HDAC11: variants seen among roughly 807,000 people sequenced by gnomAD.
HDAC11 encodes histone deacetylase 11.
HDAC11 carries 23 observed loss-of-function variants against 41.1 expected under a neutral mutation model. That is an observed-to-expected ratio of 0.56 (90% CI 0.40 to 0.79). HDAC11 has a LOEUF of 0.79. Ranked by LOEUF, HDAC11 falls within the 30% of genes least tolerant of loss-of-function variation. The probability of loss-of-function intolerance (pLI) is 0.00; values close to 1 mark genes in which losing one functional copy is unlikely to be tolerated. For missense variants in HDAC11, 402 were observed against 477.3 expected (o/e 0.84, Z 1.47); for synonymous variants, 187 against 186.6 (o/e 1.00, Z -0.02).
intron 8 of HDAC11, among the ~76,000 whole-genome samples, chr3:13,503,640 C>T (rs1702475719): frequency 6.6e-6 from 1 of 152,242 alleles, no homozygotes; most frequent in African/African-American, 2.4e-5. Flanking sequence ...GGCAGAGACT[C>T]TCAGATGAGA....
At chr3:13,482,993 C>A (rs757074750) in intron 2 of HDAC11, among the ~76,000 whole-genome samples, 3 of 151,556 alleles carry the variant, frequency 2.0e-5, no homozygotes, top group Non-Finnish European at 4.4e-5. Flanking sequence ...TCAAGCAATC[C>A]ACCTGCCTCA....
rs1702612231 is a variant in HDAC11 at position 13,506,069 on chromosome 3, A to T, written c.*1386A>T. Reference sequence around the variant, plus strand: ...CTGCAGGGAGAAGGGTTCCAAGATCACAAAATGTCAACAATGCTGGCCTCC... The same window carrying T: ...CTGCAGGGAGAAGGGTTCCAAGATCTCAAAATGTCAACAATGCTGGCCTCC... On this transcript the variant is annotated 3_prime_UTR_variant, in exon 10 of 10. Transcript: ENST00000295757. The T allele has an allele frequency of 2.6e-5, 4 of 152,260 alleles. No individual in the cohort carries two copies. In the South Asian group the frequency reaches 8.3e-4, roughly 32 times the overall value. 9.4% of individuals were successfully genotyped at this position (152,260 alleles called of 1,614,324 possible). A position where few individuals can be genotyped will look rare whatever the true frequency, so the allele number is the denominator to read the frequency against.
intron 3 of HDAC11, among the ~76,000 whole-genome samples, chr3:13,493,664 G>A (rs1211902192): frequency 1.3e-5 from 2 of 152,240 alleles, no homozygotes; most frequent in Non-Finnish European, 2.9e-5. Flanking sequence ...AACCACTGCT[G>A]CACCAGGAGA....
At chr3:13,493,679 C>A (rs1701964518) in intron 3 of HDAC11, among the ~76,000 whole-genome samples, 1 of 152,200 alleles carries the variant, frequency 6.6e-6, no homozygotes, top group Non-Finnish European at 1.5e-5. Context: ...AGGAGAAGGC[C>A]CAAGTGCCAG....
intron 3 of HDAC11, among the ~76,000 whole-genome samples, chr3:13,487,858 A>AAT (rs1701667188): frequency 1.3e-5 from 2 of 152,088 alleles, no homozygotes; most frequent in South Asian, 4.2e-4. Flanking sequence ...GTAATGAGAT[A>AAT]ATATGTTAGA....
rs1702389941 is a variant in HDAC11, at chr3:13,502,002, A to C, written c.552+69A>C. Reference sequence around the variant, plus strand: ...CCCAGTTCCAGAATCTTCCCGGGGCAGGAGAGTCTCCCTCCTCATGTCCCC... The same window carrying C: ...CCCAGTTCCAGAATCTTCCCGGGGCCGGAGAGTCTCCCTCCTCATGTCCCC... On this transcript the variant is annotated intron_variant, in intron 7 of 9. Transcript: ENST00000295757. This position sits in a 1 kb window ranked among gnomAD's most constrained non-coding sequence, Gnocchi z 4.1. The C allele has an allele frequency of 3.0e-6, 4 of 1,344,344 alleles. No homozygotes were observed. The Admixed American group carries it at 6.9e-5, about 23-fold the overall frequency. 83.3% of individuals were successfully genotyped at this position (1,344,344 alleles called of 1,614,324 possible). A position where few individuals can be genotyped will look rare whatever the true frequency, so the allele number is the denominator to read the frequency against.
intron 3 of HDAC11, among the ~76,000 whole-genome samples, chr3:13,486,527 G>C (rs1296758625): frequency 6.8e-6 from 1 of 148,082 alleles, no homozygotes; most frequent in Non-Finnish European, 1.5e-5. Flanking sequence ...GGTGATGTTT[G>C]AGTTGAGACT....
chr3:13,486,280 AAAAAAAAAAG>A (rs1701566033), intron 3 of HDAC11, among the ~76,000 whole-genome samples: 2 of 150,954 alleles, frequency 1.3e-5, no homozygotes, highest in African/African-American at 4.9e-5. Flanking sequence ...AAAAAAAAAA[AAAAAAAAAAG>A]AAAAAGATGA....
intron 3 of HDAC11, among the ~76,000 whole-genome samples, chr3:13,491,073 T>C (rs1450501539): frequency 8.8e-4 from 38 of 43,366 alleles, no homozygotes; most frequent in African/African-American, 2.7e-3. Context: ...AATAGTTGTG[T>C]GTGTGTGTGT....
At chr3:13,494,349 C>T (rs1158574245) in intron 3 of HDAC11, among the ~76,000 whole-genome samples, 2 of 152,220 alleles carry the variant, frequency 1.3e-5, no homozygotes, top group African/African-American at 2.4e-5. Flanking sequence ...GGGCCTCTGC[C>T]GGGCAGTGGG....
chr3:13,498,974 T>C (rs1702232662), intron 5 of HDAC11, among the ~76,000 whole-genome samples: 1 of 151,878 alleles, frequency 6.6e-6, no homozygotes, highest in Non-Finnish European at 1.5e-5. Context: ...GGCTTGGTCA[T>C]GTTGGGTTGG....
At chr3:13,497,854 C>CTTTTTT (rs10667297) in intron 4 of HDAC11, among the ~76,000 whole-genome samples, 17 of 106,076 alleles carry the variant, frequency 1.6e-4, no homozygotes, top group Non-Finnish European at 2.0e-4. Flanking sequence ...TCTTTTTTTG[C>CTTTTTT]TTTTTTTTTT....
intron 3 of HDAC11, among the ~76,000 whole-genome samples, chr3:13,492,586 C>A (rs1449378036): frequency 6.6e-6 from 1 of 152,114 alleles, no homozygotes; most frequent in Admixed American, 6.5e-5. Context: ...ACTCTGTCAC[C>A]CAGGCTGGAG....
intron 6 of HDAC11, chr3:13,501,581 A>G (rs1165909647): frequency 1.5e-6 from 1 of 649,474 alleles, no homozygotes; most frequent in Non-Finnish European, 2.9e-6. Flanking sequence ...AATCTGGGAA[A>G]ATCCAGGGCC....
At chr3:13,486,289 AG>A (rs57787006) in intron 3 of HDAC11, among the ~76,000 whole-genome samples, 6,689 of 117,430 alleles carry the variant, frequency 0.057, 698 homozygotes, top group African/African-American at 0.21. Context: ...AAAAAAAAAA[AG>A]AAAAAGATGA....
chr3:13,499,077 A>C (rs566335597), intron 5 of HDAC11, among the ~76,000 whole-genome samples: 3 of 152,276 alleles, frequency 2.0e-5, no homozygotes, highest in African/African-American at 7.2e-5. Flanking sequence ...AGATTGGCTC[A>C]TGGGAGGGCT....
chr3:13,496,324 G>A (rs1229088894), intron 3 of HDAC11, among the ~76,000 whole-genome samples: 1 of 152,180 alleles, frequency 6.6e-6, no homozygotes, highest in East Asian at 1.9e-4. Flanking sequence ...TGTGGCCTTG[G>A]GAAGATCCTC....
At chr3:13,487,309 C>T (rs1184823190) in intron 3 of HDAC11, among the ~76,000 whole-genome samples, 1 of 152,222 alleles carries the variant, frequency 6.6e-6, no homozygotes, top group Non-Finnish European at 1.5e-5. Context: ...CTTCAGGTTT[C>T]TCAGGCTGCT....
intron 3 of HDAC11, among the ~76,000 whole-genome samples, chr3:13,492,640 G>T (rs1238541551): frequency 6.6e-6 from 1 of 152,106 alleles, no homozygotes; most frequent in Non-Finnish European, 1.5e-5. Context: ...CACCCCTTGG[G>T]TTGAAGAGAT....
Sources: gnomAD v4.1 joint callset for allele counts (sites outside exome capture counted in the v4.1 genomes callset) on GRCh38, gnomAD v4.1.1 for gene constraint, Gnocchi (gnomAD v3.1) non-coding constraint, MANE v1.5 for transcripts, NCBI Gene and HGNC (gene_info 2026-07-23, HGNC 2026-07-21) for gene names.